Variants in RBMS3 observed in about 807,000 individuals in gnomAD.
RBMS3 encodes RNA-binding motif, single-stranded-interacting protein 3.
In RBMS3, 27 loss-of-function variants were observed where a neutral mutation model predicts 66.8. The ratio of observed to expected loss-of-function variants is 0.40; its 90% confidence interval spans 0.30 to 0.56. The LOEUF (loss-of-function observed/expected upper bound fraction) is 0.56. Among genes scored for constraint, RBMS3 ranks in the 20% least tolerant of loss-of-function variants. RBMS3 has a pLI of 0.40. For missense variants in RBMS3, 513 were observed against 549.5 expected (o/e 0.93, Z 0.66); for synonymous variants, 188 against 183.0 (o/e 1.03, Z -0.22).
intron 2 of RBMS3, among the ~76,000 whole-genome samples, chr3:29,487,193 AC>A (rs2043353276): frequency 6.6e-6 from 1 of 151,594 alleles, no homozygotes; most frequent in Admixed American, 6.6e-5. Context: ...CAACAGAGAG[AC>A]TCTTGGGGTG....
intron 1 of RBMS3, among the ~76,000 whole-genome samples, chr3:29,318,487 C>T (rs1026426218): frequency 6.6e-5 from 10 of 151,962 alleles, no homozygotes; most frequent in South Asian, 4.1e-4. Context: ...ATATATCACC[C>T]GCAGAATGCA....
At chr3:29,881,893 G>T (rs1438748743) in intron 7 of RBMS3, among the ~76,000 whole-genome samples, 2 of 152,126 alleles carry the variant, frequency 1.3e-5, no homozygotes, top group Non-Finnish European at 2.9e-5. Flanking sequence ...CAAGGAAAAA[G>T]AAATAAATGT....
chr3:29,744,894 A>G (rs1001768472), intron 5 of RBMS3, among the ~76,000 whole-genome samples: 9 of 152,196 alleles, frequency 5.9e-5, no homozygotes, highest in Non-Finnish European at 1.3e-4. Context: ...TCAATTCAGA[A>G]AACCTGAATA....
chr3:29,548,621 G>A (rs756123078), intron 3 of RBMS3, among the ~76,000 whole-genome samples: 8 of 151,292 alleles, frequency 5.3e-5, no homozygotes, highest in Non-Finnish European at 7.4e-5. Context: ...AAACTGTATC[G>A]AACCTGAAAA....
chr3:29,908,674 C>T (rs1031203124), intron 10 of RBMS3, among the ~76,000 whole-genome samples: 2 of 151,956 alleles, frequency 1.3e-5, no homozygotes, highest in Admixed American at 6.6e-5. Flanking sequence ...ATCATTGACT[C>T]CTCGTCTTAT....
chr3:29,884,238 T>C (rs1043202301), intron 8 of RBMS3, 30 bp downstream of exon 8: 1 of 1,572,794 alleles, frequency 6.4e-7, no homozygotes, highest in Non-Finnish European at 8.7e-7. Context: ...TCTATTTTAA[T>C]TGTGAATAGA....
intron 6 of RBMS3, among the ~76,000 whole-genome samples, chr3:29,778,893 G>C (rs368092644): frequency 6.6e-6 from 1 of 151,956 alleles, no homozygotes; most frequent in South Asian, 2.1e-4. Flanking sequence ...TTGATGGAGA[G>C]GGGATACACT....
chr3:29,908,422 G>A (rs1237321354), intron 10 of RBMS3, among the ~76,000 whole-genome samples: 3 of 152,124 alleles, frequency 2.0e-5, no homozygotes, highest in African/African-American at 7.2e-5. Context: ...ATGACTAGTT[G>A]TTGATAATTA....
At chr3:29,478,411 G>A (rs2043021514) in intron 2 of RBMS3, among the ~76,000 whole-genome samples, 1 of 152,138 alleles carries the variant, frequency 6.6e-6, no homozygotes, top group Non-Finnish European at 1.5e-5. Context: ...AAGTGACAAG[G>A]TAGCTTGCTG....
chr3:29,603,218 C>T (rs887103878), intron 4 of RBMS3, among the ~76,000 whole-genome samples: 1 of 151,836 alleles, frequency 6.6e-6, no homozygotes, highest in Admixed American at 6.6e-5. Context: ...CGTTAATGTC[C>T]CAGTTTTACA....
At chr3:30,001,675 T>G (rs1699614978) in intron 14 of RBMS3, among the ~76,000 whole-genome samples, 1 of 152,016 alleles carries the variant, frequency 6.6e-6, no homozygotes, top group Non-Finnish European at 1.5e-5. Context: ...TTATAATATA[T>G]TGTAATAATA....
intron 4 of RBMS3, among the ~76,000 whole-genome samples, chr3:29,710,679 G>A (rs60397257): frequency 0.075 from 11,461 of 152,110 alleles, 1,439 homozygotes; most frequent in African/African-American, 0.26. Context: ...TCATTTCAGT[G>A]AATTCCCTTC....
intron 3 of RBMS3, among the ~76,000 whole-genome samples, chr3:29,557,020 G>C (rs1359593224): frequency 6.6e-6 from 1 of 152,160 alleles, no homozygotes; most frequent in African/African-American, 2.4e-5. Context: ...TTGCTTGACT[G>C]CTTCTCTTTC....
At chr3:29,815,939 A>G (rs2057879019) in intron 6 of RBMS3, among the ~76,000 whole-genome samples, 2 of 151,026 alleles carry the variant, frequency 1.3e-5, no homozygotes, top group African/African-American at 4.9e-5. Flanking sequence ...CTATTGAAAT[A>G]AAAATAAAAA....
chr3:29,412,369 G>T (rs2040300507), intron 1 of RBMS3, among the ~76,000 whole-genome samples: 1 of 152,214 alleles, frequency 6.6e-6, no homozygotes, highest in Non-Finnish European at 1.5e-5. Flanking sequence ...TGCAGAAGGA[G>T]AAGGGTGGAG....
At chr3:29,850,895 T>G (rs563639469) in intron 6 of RBMS3, among the ~76,000 whole-genome samples, 1 of 152,186 alleles carries the variant, frequency 6.6e-6, no homozygotes, top group Non-Finnish European at 1.5e-5. Flanking sequence ...TGGTCTCCTC[T>G]CCCATCACCC....
intron 10 of RBMS3, among the ~76,000 whole-genome samples, chr3:29,904,636 A>G (rs917125996): frequency 1.3e-5 from 2 of 152,054 alleles, no homozygotes; most frequent in Admixed American, 6.6e-5. Flanking sequence ...AGATATTTAC[A>G]TTTTAAAATT....
intron 4 of RBMS3, among the ~76,000 whole-genome samples, chr3:29,593,202 C>A (rs2047817594): frequency 6.6e-6 from 1 of 152,086 alleles, no homozygotes; most frequent in Non-Finnish European, 1.5e-5. Context: ...ATATTCTAGA[C>A]CATTTTACCA....
intron 2 of RBMS3, among the ~76,000 whole-genome samples, chr3:29,472,944 G>A (rs894328169): frequency 6.8e-6 from 1 of 146,228 alleles, no homozygotes; most frequent in African/African-American, 2.6e-5. Flanking sequence ...GAGCCGAGTG[G>A]TCTGTTTTGA....
Sources: gnomAD v4.1 joint callset for allele counts (sites outside exome capture counted in the v4.1 genomes callset) on GRCh38, gnomAD v4.1.1 for gene constraint, MANE v1.5 for transcripts, NCBI Gene and HGNC (gene_info 2026-07-23, HGNC 2026-07-21) for gene names.